The following FAAP100 variants were observed in gnomAD, a reference collection of about 807,000 sequenced individuals.
FAAP100 encodes Fanconi anemia core complex-associated protein 100.
Under a neutral mutation model 65.8 loss-of-function variants are expected in FAAP100, and 46 were observed. That is an observed-to-expected ratio of 0.70 (90% CI 0.55 to 0.89). The LOEUF (loss-of-function observed/expected upper bound fraction) is 0.89. FAAP100 is among the 40% of genes least tolerant of loss of function. FAAP100 has a pLI of 0.00. For synonymous variants in FAAP100, 663 were observed against 555.1 expected (o/e 1.19, Z -2.73); for missense variants, 1,165 against 1,196.7 (o/e 0.97, Z 0.39).
Position 81,547,509 on chromosome 17 carries a change from C to T in FAAP100, c.1573G>A (p.Ala525Thr), listed in dbSNP as rs895877410. Residue 525 changes from alanine (A) to threonine (T), a missense_variant, in exon 5 of 9, where the codon GCC becomes ACC. Transcript: ENST00000327787. ...SRLQTQDVLMATCVLENSSSF... is the reference protein window; with the variant it reads ...SRLQTQDVLMTTCVLENSSSF... ...CTGCTGTTCTCTAGCACGCAGGTGG[C>T]CATGAGCACATCCTGTGTCTGCAGG... 10 of 1,613,476 alleles carry T rather than the reference C, an allele frequency of 6.2e-6. No individual in the cohort carries two copies. Among genetic ancestry groups the T allele is most frequent in the Non-Finnish European group, 7.6e-6 (9 of 1,180,026 alleles).
At chr17:81,550,100 A>G in intron 3 of FAAP100, 148 bp downstream of exon 3, 1 of 787,702 alleles carries the variant, frequency 1.3e-6, no homozygotes, top group South Asian at 1.8e-5. Context: ...ACCTTGAGAC[A>G]AGAGAGTTAA....
At chr17:81,552,866 C>T (rs2033552014), upstream of FAAP100, among the ~76,000 whole-genome samples, 1 of 151,510 alleles carries the variant, frequency 6.6e-6, no homozygotes, top group South Asian at 2.1e-4. Context: ...GCCCCGGCCG[C>T]CCCCGCGTTC....
chr17:81,548,502 G>C (rs2033389004), intron 4 of FAAP100: 1 of 158,066 alleles, frequency 6.3e-6, no homozygotes. Flanking sequence ...ACTTTGAGAG[G>C]CCAAGGCAGG....
chr17:81,547,006 T>C lies in FAAP100; in HGVS notation c.2076A>G (p.Gly692=). The C allele has an allele frequency of 6.6e-7, 1 of 1,523,248 alleles. No homozygotes were observed. The highest frequency in any genetic ancestry group is 8.8e-7 in the Non-Finnish European group (1 of 1,135,532). 94.4% of individuals were successfully genotyped at this position (1,523,248 alleles called of 1,614,324 possible). Residue 692 remains glycine, a synonymous_variant, in exon 5 of 9, where the codon GGA becomes GGG. Coordinates refer to ENST00000327787, the MANE Select transcript of FAAP100 (RefSeq NM_025161.6). The part of the protein sequence containing the change: ...TCREPGSQPA[G]PASLRAEYLP... ...GGTACTCGGCCCGCAGGGAGGCGGG[T>C]CCTGCTGGCTGGCTGCCAGGCTCCC...
chr17:81,546,299 G>A, intron 5 of FAAP100: 1 of 184,762 alleles, frequency 5.4e-6, no homozygotes, highest in Non-Finnish European at 1.1e-5. Flanking sequence ...GCAGAACGGT[G>A]ACATCTGCAC....
chr17:81,552,121 G>A lies in FAAP100; in HGVS notation c.165+45C>T, dbSNP rs545279467. The stretch of plus-strand genomic sequence containing the variant: ...CGCGGTCTTCATTTTCACGCGAACC[G>A]CCGCCCCCGCCCGGTCCCTCCCGCC... On this transcript the variant is annotated intron_variant, in intron 1 of 8. Transcript: ENST00000327787. 22 of 1,469,712 alleles carry A rather than the reference G, an allele frequency of 1.5e-5. No homozygotes were observed. The East Asian group carries it at 5.0e-4, about 33-fold the overall frequency. The allele number at this position is 1,469,712 out of a possible 1,614,324, so 91.0% of individuals were successfully genotyped here. A position where few individuals can be genotyped will look rare whatever the true frequency, so the allele number is the denominator to read the frequency against.
At position 81,552,202 on chromosome 17, in the gene FAAP100, G is replaced by C; in HGVS notation, c.129C>G (p.Leu43=). Residue 43 remains leucine, a synonymous_variant, in exon 1 of 9, where the codon CTC becomes CTG. Coordinates refer to ENST00000327787, the MANE Select transcript of FAAP100 (RefSeq NM_025161.6). ...AEVFLSTGSE[L]VYVYDQEGGL... is the part of the protein sequence containing the mutation. ...CGCCCTCCTGGTCGTACACGTAGAC[G>C]AGCTCGCTCCCGGTGGACAGGAAGA... The C allele has an allele frequency of 6.7e-7, 1 of 1,500,292 alleles. No individual in the cohort carries two copies. Among genetic ancestry groups the C allele is most frequent in the Non-Finnish European group, 8.8e-7 (1 of 1,131,308 alleles). The allele number at this position is 1,500,292 out of a possible 1,614,324, so 92.9% of individuals were successfully genotyped here. A position where few individuals can be genotyped will look rare whatever the true frequency, so the allele number is the denominator to read the frequency against.
At position 81,550,582 on chromosome 17, in the gene FAAP100, G is replaced by C. The variant is rs557680737; in HGVS notation, c.912C>G (p.Asp304Glu). The C allele has an allele frequency of 6.2e-7, 1 of 1,612,804 alleles. No homozygotes were observed. The highest frequency in any genetic ancestry group is 1.3e-5 in the African/African-American group (1 of 74,946). The change falls in exon 3 of 9, where the codon GAC (aspartate) becomes GAG (glutamate). Residue 304 changes from aspartate to glutamate, a missense_variant. Coordinates refer to ENST00000327787, the MANE Select transcript of FAAP100 (RefSeq NM_025161.6). ...CCAGGCAGTCACAGTGCACATCCTCGTCAGGCAGAAAATTCTCTGCAGCTT... is the reference window on the plus strand; with the variant it reads ...CCAGGCAGTCACAGTGCACATCCTCCTCAGGCAGAAAATTCTCTGCAGCTT... ...AAEAAENFLP[D>E]EDVHCDCLVA...
rs2033084917 is a variant in FAAP100, at chr17:81,541,307, A to G, written c.2514+2T>C. The G allele has an allele frequency of 6.2e-7, 1 of 1,610,430 alleles. No individual in the cohort carries two copies. Among genetic ancestry groups the G allele is most frequent in the South Asian group, 1.1e-5 (1 of 90,558 alleles). On this transcript the variant is annotated splice_donor_variant, in intron 8 of 8. Transcript: ENST00000327787. LOFTEE classifies it high-confidence loss of function. ...GGACTGCCCGGGGAACCGGGTGCTC[A>G]CCTCGTGGTTGGCGTGGATCTGGCG...
rs1475274179 is a variant in FAAP100, at chr17:81,540,647, T to TGCTCCACGGCCTC, written c.*159_*171dup. On this transcript the variant is annotated 3_prime_UTR_variant, in exon 9 of 9. Coordinates refer to ENST00000327787, the MANE Select transcript of FAAP100 (RefSeq NM_025161.6). ...TTGCTCCCAATCAGAATCTGCTTTG[T>TGCTCCACGGCCTC]GCTCCACGGCCTCCAAGCACTTTCA... 9 of 894,698 alleles carry TGCTCCACGGCCTC rather than the reference T, an allele frequency of 1.0e-5. No homozygotes were observed. The highest frequency in any genetic ancestry group is 3.7e-4 in the Middle Eastern group (1 of 2,706). 55.4% of individuals were successfully genotyped at this position (894,698 alleles called of 1,614,324 possible).
chr17:81,542,310 G>A (rs1483027252), intron 7 of FAAP100, among the ~76,000 whole-genome samples: 3 of 149,152 alleles, frequency 2.0e-5, no homozygotes, highest in Non-Finnish European at 4.5e-5. Context: ...CTTGAACCTG[G>A]GAGGCAGAGG....
intron 7 of FAAP100, among the ~76,000 whole-genome samples, chr17:81,543,427 C>T (rs955745407): frequency 7.2e-5 from 11 of 152,198 alleles, no homozygotes; most frequent in Non-Finnish European, 1.6e-4. Flanking sequence ...TGCCTTCCCG[C>T]GGGCACGAGC....
In FAAP100 at chr17:81,540,556, T is replaced by C. The variant is rs1598586777; in HGVS notation, c.*263A>G. ...GCGAGTGCAGGGGCTGCGGCCGCGGTCAGAGAAGGAGAGACACCAGCAGAG... is the reference window on the plus strand; with the variant it reads ...GCGAGTGCAGGGGCTGCGGCCGCGGCCAGAGAAGGAGAGACACCAGCAGAG... On this transcript the variant is annotated 3_prime_UTR_variant, in exon 9 of 9. Transcript: ENST00000327787. The C allele has an allele frequency of 1.1e-5, 5 of 437,542 alleles. No individual in the cohort carries two copies. In the East Asian group the frequency reaches 1.7e-4, roughly 15 times the overall value. 27.1% of individuals were successfully genotyped at this position (437,542 alleles called of 1,614,324 possible).
chr17:81,543,433 C>T (rs916879729), intron 7 of FAAP100, among the ~76,000 whole-genome samples: 1 of 152,216 alleles, frequency 6.6e-6, no homozygotes, highest in African/African-American at 2.4e-5. Flanking sequence ...CCCGCGGGCA[C>T]GAGCTTAGAC....
rs1395343274 is a variant in FAAP100, at chr17:81,550,228, T to C, written c.1246+20A>G. ...CTCCACCCTGGGCTCCCATCTTTCA[T>C]TTTAGACAGCAGCTCATACCTTCAT... On this transcript the variant is annotated intron_variant, in intron 3 of 8. Transcript: ENST00000327787. 1.9e-6 allele frequency: 3 copies of C among 1,561,710 alleles called. No individual in the cohort carries two copies. The highest frequency in any genetic ancestry group is 1.2e-5 in the South Asian group (1 of 86,380).
At chr17:81,541,277 G>A (rs1438438708) in intron 8 of FAAP100, 32 bp downstream of exon 8, 2 of 1,584,450 alleles carry the variant, frequency 1.3e-6, no homozygotes, top group East Asian at 2.2e-5. Flanking sequence ...CTACCCAGGG[G>A]AAGGGGACTG....
In FAAP100 at chr17:81,552,349, A is replaced by G; in HGVS notation, c.-19T>C. ...CGGCCATCGTGCGCGCGGGCCCGTC[A>G]GAGTGAGAAGCCCCGGCCGCGCGGC... On this transcript the variant is annotated 5_prime_UTR_variant, in exon 1 of 9. Coordinates refer to ENST00000327787, the MANE Select transcript of FAAP100 (RefSeq NM_025161.6). 7.4e-7 allele frequency: 1 copy of G among 1,350,760 alleles called. No homozygotes were observed. Among genetic ancestry groups the G allele is most frequent in the East Asian group, 3.1e-5 (1 of 32,262 alleles). 83.7% of individuals were successfully genotyped at this position (1,350,760 alleles called of 1,614,324 possible).
Position 81,544,110 on chromosome 17 carries a change from G to A in FAAP100, c.2321C>T (p.Thr774Ile), listed in dbSNP as rs1052421546. The change falls in exon 7 of 9, where the codon ACT becomes ATT. Residue 774 changes from threonine to isoleucine, a missense_variant. By Grantham distance (89) the Thr-to-Ile change is moderately conservative (BLOSUM62 -1). Transcript: ENST00000327787. ...GATGGGCCCTGCTGGGCACAGGTCA[G>A]TCATGGCCACCTGCAACACAGGAGC... Reference protein sequence around the residue: ...VHLIVREVAMTDLCPAGPIQA... With the variant: ...VHLIVREVAMIDLCPAGPIQA... The A allele has an allele frequency of 1.2e-6, 2 of 1,610,984 alleles. No individual in the cohort carries two copies. The highest frequency in any genetic ancestry group is 2.7e-5 in the African/African-American group (2 of 74,916).
rs567185509 is a variant in FAAP100, at chr17:81,547,315, G to A, written c.1767C>T (p.Asn589=). 75 of 1,612,414 alleles carry A rather than the reference G, an allele frequency of 4.7e-5. No homozygotes were observed. The highest frequency in any genetic ancestry group is 2.3e-4 in the South Asian group (21 of 91,060). ...EVTLPLGPGE[N]GGLDLPVTVS... Reference sequence around the variant, plus strand: ...CGGTCACGGGCAGGTCGAGCCCGCCGTTCTCACCAGGGCCCAGGGGTAGCG... The same window carrying A: ...CGGTCACGGGCAGGTCGAGCCCGCCATTCTCACCAGGGCCCAGGGGTAGCG... Residue 589 remains asparagine (N), a synonymous_variant, in exon 5 of 9, where the codon AAC becomes AAT. Coordinates refer to ENST00000327787, the MANE Select transcript of FAAP100 (RefSeq NM_025161.6).
Sources: gnomAD v4.1 joint callset for allele counts (sites outside exome capture counted in the v4.1 genomes callset) on GRCh38, gnomAD v4.1.1 for gene constraint, MANE v1.5 for transcripts, NCBI Gene and HGNC (gene_info 2026-07-23, HGNC 2026-07-21) for gene names.